The following TMA7 variants were observed in gnomAD, a reference collection of about 807,000 sequenced individuals.
TMA7 encodes translation machinery associated 7 homolog, also known as translation machinery-associated protein 7.
In TMA7, 5 loss-of-function variants were observed where a neutral mutation model predicts 12.5. That is an observed-to-expected ratio of 0.40 (90% CI 0.21 to 0.84). The LOEUF is 0.84. Among genes scored for constraint, TMA7 ranks in the 40% least tolerant of loss-of-function variants. The pLI, the probability that TMA7 is intolerant of heterozygous loss-of-function variation, is 0.36. For synonymous variants in TMA7, 36 were observed against 28.1 expected (o/e 1.28, Z -0.89); for missense variants, 71 against 75.4 (o/e 0.94, Z 0.22).
intron 3 of TMA7, chr3:48,440,962 C>G (rs2039547320): frequency 2.4e-6 from 1 of 417,964 alleles, no homozygotes; most frequent in Non-Finnish European, 4.3e-6. Context: ...GCCCCAAATT[C>G]GTATTTCACT....
In TMA7 at chr3:48,440,762, T is replaced by C; in HGVS notation, c.160+134T>C. On this transcript the variant is annotated intron_variant, in intron 3 of 3. Transcript: ENST00000438607. Reference sequence around the variant, plus strand: ...TTCCGACGTCCGCTGCAGCGAATGGTCTCTAGCCAGTCTAGGATTTGCAGC... The same window carrying C: ...TTCCGACGTCCGCTGCAGCGAATGGCCTCTAGCCAGTCTAGGATTTGCAGC... 4 of 789,564 alleles carry C rather than the reference T, an allele frequency of 5.1e-6. No homozygotes were observed. In the African/African-American group the frequency reaches 5.2e-5, roughly 10 times the overall value. The allele number at this position is 789,564 out of a possible 1,614,324, so 48.9% of individuals were successfully genotyped here.
At position 48,440,422 on chromosome 3, in the gene TMA7, G is replaced by T. The variant is rs766241443; in HGVS notation, c.36G>T (p.Leu12=). Residue 12 remains leucine, a synonymous_variant, in exon 2 of 4, where the codon CTG becomes CTT. Coordinates refer to ENST00000438607, the MANE Select transcript of TMA7 (RefSeq NM_015933.6). ...SGREGGKKKP[L]KQPKKQAKEM... is the part of the protein sequence containing the mutation. ...CCACAGGTGGCAAGAAGAAGCCACT[G>T]AAACAGCCCAAGAAGCAGGCCAAGG... 1.2e-6 allele frequency: 2 copies of T among 1,612,534 alleles called. No individual in the cohort carries two copies. Among genetic ancestry groups the T allele is most frequent in the East Asian group, 4.5e-5 (2 of 44,872 alleles).
intron 3 of TMA7, among the ~76,000 whole-genome samples, chr3:48,442,787 C>T (rs1478555479): frequency 1.3e-5 from 2 of 152,166 alleles, no homozygotes; most frequent in Non-Finnish European, 2.9e-5. Flanking sequence ...TACTGCGTTC[C>T]ACATATATGG....
rs982878947 is a variant in TMA7, at chr3:48,443,775, C to A, written c.161-73C>A. 10 of 1,305,560 alleles carry A rather than the reference C, an allele frequency of 7.7e-6. No individual in the cohort carries two copies. The African/African-American group carries it at 9.1e-5, about 12-fold the overall frequency. The allele number at this position is 1,305,560 out of a possible 1,614,324, so 80.9% of individuals were successfully genotyped here. ...TACAAAAGCCAGGCTTTACTAAGGT[C>A]CACAGCAGGCCCGTGGGGCTTCTAC... On this transcript the variant is annotated intron_variant, in intron 3 of 3. Transcript: ENST00000438607.
intron 3 of TMA7, among the ~76,000 whole-genome samples, chr3:48,443,404 A>C (rs1429617315): frequency 1.3e-5 from 2 of 151,712 alleles, no homozygotes; most frequent in Admixed American, 1.3e-4. Context: ...AAAATTAGCC[A>C]GGGCTTGTGG....
Position 48,440,621 on chromosome 3 carries a change from G to C in TMA7, c.153G>C (p.Gly51=). 1 of 1,611,190 alleles carries C rather than the reference G, an allele frequency of 6.2e-7. No homozygotes were observed. The highest frequency in any genetic ancestry group is 8.5e-7 in the Non-Finnish European group (1 of 1,179,602). ...EELKAKAAGK[G]PLATGGIKKS... ...TAAAAGCGAAGGCCGCGGGGAAGGGGCCCTTGGGTAAGTGGGGGCCGAATG... is the reference window on the plus strand; with the variant it reads ...TAAAAGCGAAGGCCGCGGGGAAGGGCCCCTTGGGTAAGTGGGGGCCGAATG... The change falls in exon 3 of 4, where the codon GGG becomes GGC. Residue 51 remains glycine (G), a synonymous_variant. Coordinates refer to ENST00000438607, the MANE Select transcript of TMA7 (RefSeq NM_015933.6).
Position 48,440,446 on chromosome 3 carries a change from G to A in TMA7, c.60G>A (p.Lys20=), listed in dbSNP as rs1484352758. 1.2e-6 allele frequency: 2 copies of A among 1,612,480 alleles called. No homozygotes were observed. Among genetic ancestry groups the A allele is most frequent in the Non-Finnish European group, 1.7e-6 (2 of 1,179,762 alleles). The part of the protein sequence containing the change: ...KPLKQPKKQA[K]EMDEEDKAFK... ...TGAAACAGCCCAAGAAGCAGGCCAA[G>A]GAGATGGACGAGGTGAGGGCGGGCG... The change falls in exon 2 of 4, where the codon AAG becomes AAA. Residue 20 remains lysine, a synonymous_variant. Transcript: ENST00000438607.
intron 3 of TMA7, 120 bp from the exon 4 acceptor site, chr3:48,443,728 T>G (rs2039619152): frequency 1.1e-5 from 7 of 652,598 alleles, no homozygotes; most frequent in Non-Finnish European, 1.5e-5. Flanking sequence ...CTATCCATGC[T>G]TGTGTTAAAG....
chr3:48,441,096 A>G (rs7639743), intron 3 of TMA7: 89,374 of 156,812 alleles, frequency 0.57, 25,573 homozygotes, highest in East Asian at 0.7. Context: ...GCTCACTGCA[A>G]CCTCCACCTT....
intron 3 of TMA7, among the ~76,000 whole-genome samples, chr3:48,442,050 C>T (rs774132328): frequency 2.0e-5 from 3 of 152,018 alleles, no homozygotes; most frequent in Non-Finnish European, 4.4e-5. Context: ...AAAGGGAGAC[C>T]CTGTCTACAG....
intron 3 of TMA7, among the ~76,000 whole-genome samples, chr3:48,442,479 T>G (rs1040282862): frequency 2.7e-4 from 41 of 149,580 alleles, no homozygotes; most frequent in Non-Finnish European, 5.8e-4. Flanking sequence ...TTTTAAATAG[T>G]CTCACTCTGT....
At chr3:48,443,060 TC>T (rs2107171091) in intron 3 of TMA7, among the ~76,000 whole-genome samples, 1 of 151,448 alleles carries the variant, frequency 6.6e-6, no homozygotes, top group African/African-American at 2.4e-5. Context: ...GCCAACATGG[TC>T]AAACCCCATC....
intron 3 of TMA7, chr3:48,440,988 A>G (rs943165305): frequency 1.2e-5 from 4 of 341,100 alleles, no homozygotes; most frequent in Non-Finnish European, 2.2e-5. Flanking sequence ...CTAGTGTTTG[A>G]ACCTTACTTG....
chr3:48,443,957 C>G lies in TMA7; in HGVS notation c.*75C>G, dbSNP rs1002334913. The G allele has an allele frequency of 9.4e-7, 1 of 1,064,782 alleles. No individual in the cohort carries two copies. Among genetic ancestry groups the G allele is most frequent in the Admixed American group, 3.5e-5 (1 of 28,956 alleles). 66.0% of individuals were successfully genotyped at this position (1,064,782 alleles called of 1,614,324 possible). ...TAAACCTCTCTATTCCCTGCCATAACATCTTTTGCCACGTATAGCTGGAAT... is the reference window on the plus strand; with the variant it reads ...TAAACCTCTCTATTCCCTGCCATAAGATCTTTTGCCACGTATAGCTGGAAT... On this transcript the variant is annotated 3_prime_UTR_variant, in exon 4 of 4. Coordinates refer to ENST00000438607, the MANE Select transcript of TMA7 (RefSeq NM_015933.6).
intron 3 of TMA7, 127 bp downstream of exon 3, chr3:48,440,755 C>T (rs924528973): frequency 4.8e-6 from 4 of 828,008 alleles, no homozygotes; most frequent in African/African-American, 1.7e-5. Context: ...TCCGCTGCAG[C>T]GAATGGTCTC....
chr3:48,440,348 G>A, intron 1 of TMA7, 36 bp downstream of exon 1: 2 of 1,611,888 alleles, frequency 1.2e-6, no homozygotes, highest in South Asian at 2.2e-5. Flanking sequence ...TGCGGGGACG[G>A]CGGGGTGGGG....
intron 3 of TMA7, among the ~76,000 whole-genome samples, chr3:48,442,452 CTTT>C (rs904695197): frequency 3.8e-5 from 5 of 130,738 alleles, no homozygotes; most frequent in African/African-American, 1.1e-4. Context: ...TAACCCTACA[CTTT>C]TTTTTTTTTT....
intron 3 of TMA7, among the ~76,000 whole-genome samples, chr3:48,443,525 T>G (rs908730137): frequency 1.3e-5 from 2 of 149,754 alleles, no homozygotes; most frequent in Admixed American, 6.6e-5. Flanking sequence ...CAGAGCAAGA[T>G]TCCATCTCAG....
chr3:48,443,910 G>T lies in TMA7; in HGVS notation c.*28G>T. 1 of 1,499,978 alleles carries T rather than the reference G, an allele frequency of 6.7e-7. No homozygotes were observed. Among genetic ancestry groups the T allele is most frequent in the Non-Finnish European group, 8.9e-7 (1 of 1,125,176 alleles). The allele number at this position is 1,499,978 out of a possible 1,614,324, so 92.9% of individuals were successfully genotyped here. Reference sequence around the variant, plus strand: ...TGTTCCTTGTGCCTGAGGAGATGGTGACCCTTTATTTCATCTGTATTTAAA... The same window carrying T: ...TGTTCCTTGTGCCTGAGGAGATGGTTACCCTTTATTTCATCTGTATTTAAA... On this transcript the variant is annotated 3_prime_UTR_variant, in exon 4 of 4. Transcript: ENST00000438607.
Sources: gnomAD v4.1 joint callset for allele counts (sites outside exome capture counted in the v4.1 genomes callset) on GRCh38, gnomAD v4.1.1 for gene constraint, MANE v1.5 for transcripts, NCBI Gene and HGNC (gene_info 2026-07-23, HGNC 2026-07-21) for gene names.